Variants in SH3RF2 observed in about 807,000 individuals in gnomAD.
The protein encoded by SH3RF2 is E3 ubiquitin-protein ligase SH3RF2.
A neutral mutation model predicts 59.0 loss-of-function variants in SH3RF2; 43 were observed. The observed-to-expected ratio is 0.73, with a 90% CI of 0.57 to 0.94. The LOEUF (loss-of-function observed/expected upper bound fraction) is 0.94, where lower values mean the gene tolerates loss of function less well. Ranked by LOEUF, SH3RF2 falls within the 40% of genes least tolerant of loss-of-function variation. The pLI, the probability that SH3RF2 is intolerant of heterozygous loss-of-function variation, is 0.00. For missense variants in SH3RF2, 930 were observed against 940.1 expected (o/e 0.99, Z 0.14); for synonymous variants, 391 against 391.5 (o/e 1.00, Z 0.01).
chr5:145,997,179 T>C (rs773212997), intron 2 of SH3RF2: 2 of 746,952 alleles, frequency 2.7e-6, no homozygotes, highest in Non-Finnish European at 4.8e-6. Flanking sequence ...CCCCAGCATT[T>C]ACCATTGTCA....
At chr5:146,022,276 T>C (rs1761349704) in intron 5 of SH3RF2, among the ~76,000 whole-genome samples, 1 of 152,308 alleles carries the variant, frequency 6.6e-6, no homozygotes, top group Admixed American at 6.5e-5. Context: ...GGCATGATCT[T>C]GGCTCATTGC....
chr5:145,953,730 C>A (rs1479968812), intron 2 of SH3RF2, among the ~76,000 whole-genome samples: 2 of 152,122 alleles, frequency 1.3e-5, no homozygotes, highest in African/African-American at 4.8e-5. Context: ...TTCGAGTAGA[C>A]CCCAGTGTCT....
chr5:146,071,521 G>A (rs1050870679), intron 9 of SH3RF2, among the ~76,000 whole-genome samples: 1 of 152,172 alleles, frequency 6.6e-6, no homozygotes. Flanking sequence ...AGCGTAAGTT[G>A]TTTTTAGATG....
Position 145,937,858 on chromosome 5 carries a change from C to T in SH3RF2, c.-71C>T. On this transcript the variant is annotated 5_prime_UTR_variant, in exon 2 of 10. Coordinates refer to ENST00000359120, the MANE Select transcript of SH3RF2 (RefSeq NM_152550.4). Reference sequence around the variant, plus strand: ...TGACGTTCTCAAGAGACCAGCTCTGCCCCCGTGGCTCAACTGACCCTACCA... The same window carrying T: ...TGACGTTCTCAAGAGACCAGCTCTGTCCCCGTGGCTCAACTGACCCTACCA... 2.0e-6 allele frequency: 3 copies of T among 1,529,972 alleles called. No individual in the cohort carries two copies. The highest frequency in any genetic ancestry group is 1.4e-5 in the African/African-American group (1 of 72,584). 94.8% of individuals were successfully genotyped at this position (1,529,972 alleles called of 1,614,324 possible).
chr5:146,033,293 A>AGGGCAAG (rs1237401579), intron 5 of SH3RF2, among the ~76,000 whole-genome samples: 1 of 151,980 alleles, frequency 6.6e-6, no homozygotes, highest in Non-Finnish European at 1.5e-5. Flanking sequence ...ACACTCCTTA[A>AGGGCAAG]GGGCAAGGAG....
At chr5:146,057,330 T>A (rs1489915719) in intron 8 of SH3RF2, among the ~76,000 whole-genome samples, 2 of 152,044 alleles carry the variant, frequency 1.3e-5, no homozygotes, top group Admixed American at 1.3e-4. Context: ...CCTCCCTCCA[T>A]CACCTTCCTG....
In SH3RF2 at chr5:145,948,140, A is replaced by G. The variant is rs546473102; in HGVS notation, c.378+9834A>G. On this transcript the variant is annotated intron_variant, in intron 2 of 9. Coordinates refer to ENST00000359120, the MANE Select transcript of SH3RF2 (RefSeq NM_152550.4). ...CCTACAGAATCTCATTTAACTCTAC[A>G]TACAACCCACTGAGAATGGTGCTAC... is the stretch of plus-strand genomic sequence containing the variant. Among the ~76,000 whole-genome samples, 19 of 152,326 alleles carry G rather than the reference A, an allele frequency of 1.2e-4. No individual in the cohort carries two copies. The South Asian group carries it at 3.9e-3, about 32-fold the overall frequency.
chr5:145,995,598 A>G (rs1001145677), intron 2 of SH3RF2, among the ~76,000 whole-genome samples: 3 of 152,134 alleles, frequency 2.0e-5, no homozygotes, highest in Admixed American at 6.5e-5. Context: ...AACTTCATTC[A>G]TTTTCTAACT....
chr5:146,004,329 G>A (rs902297966), intron 4 of SH3RF2, among the ~76,000 whole-genome samples, 176 bp downstream of exon 4: 3 of 152,208 alleles, frequency 2.0e-5, no homozygotes, highest in Non-Finnish European at 4.4e-5. Flanking sequence ...CTGGGGAAAT[G>A]AGCCTTTTCT....
chr5:145,962,888 C>CTTT lies in SH3RF2; in HGVS notation c.378+24606_378+24608dup, dbSNP rs1168517787. On this transcript the variant is annotated intron_variant, in intron 2 of 9. Transcript: ENST00000359120. ...TAAGGGCAATCACTGTATTATTCCA[C>CTTT]TTTTTTTTTTTTTTTTTTTTTTTTT... 5.9e-3 allele frequency among the ~76,000 whole-genome samples: 613 copies of CTTT among 104,546 alleles called. 84 individuals carry two copies. The highest frequency in any genetic ancestry group is 0.026 in the African/African-American group (567 of 21,824). The allele number at this position is 104,546 out of a possible 152,430, so 68.6% of individuals were successfully genotyped here.
chr5:146,055,812 C>A (rs1000204431), intron 7 of SH3RF2, 169 bp from the exon 8 acceptor site: 9 of 738,748 alleles, frequency 1.2e-5, no homozygotes, highest in East Asian at 2.6e-5. Context: ...GTGGGGCCAA[C>A]TTTAGTTAAG....
intron 2 of SH3RF2, among the ~76,000 whole-genome samples, chr5:145,996,636 A>T (rs1173647148): frequency 6.6e-6 from 1 of 152,208 alleles, no homozygotes; most frequent in Non-Finnish European, 1.5e-5. Flanking sequence ...AGATTAAGTA[A>T]CTTAGCCATG....
At chr5:146,073,929 C>T (rs934810789) in intron 9 of SH3RF2, among the ~76,000 whole-genome samples, 4 of 151,842 alleles carry the variant, frequency 2.6e-5, no homozygotes, top group Non-Finnish European at 5.9e-5. Context: ...AGTTGAGACC[C>T]GAAGACTAAG....
chr5:145,966,337 G>C (rs1156532513), intron 2 of SH3RF2, among the ~76,000 whole-genome samples: 1 of 152,288 alleles, frequency 6.6e-6, no homozygotes, highest in South Asian at 2.1e-4. Flanking sequence ...AGATTCTGGA[G>C]ACTCAATTTC....
intron 8 of SH3RF2, among the ~76,000 whole-genome samples, chr5:146,056,824 C>T (rs1301382772): frequency 6.6e-6 from 1 of 152,200 alleles, no homozygotes; most frequent in Non-Finnish European, 1.5e-5. Flanking sequence ...TAACCATACT[C>T]ACTGCATTGT....
chr5:145,981,099 T>C (rs1042368229), intron 2 of SH3RF2, among the ~76,000 whole-genome samples: 4 of 152,172 alleles, frequency 2.6e-5, no homozygotes, highest in African/African-American at 9.7e-5. Flanking sequence ...ATTTTTTTTC[T>C]TTTTTCTTTT....
chr5:146,040,101 A>C (rs1762071529), intron 5 of SH3RF2, among the ~76,000 whole-genome samples: 1 of 152,252 alleles, frequency 6.6e-6, no homozygotes, highest in Non-Finnish European at 1.5e-5. Context: ...GATTAACACA[A>C]ACTTCAGCAT....
chr5:146,060,574 A>C (rs1234709372), intron 9 of SH3RF2, among the ~76,000 whole-genome samples: 3 of 152,230 alleles, frequency 2.0e-5, no homozygotes, highest in Non-Finnish European at 2.9e-5. Flanking sequence ...ACTTTGGTCA[A>C]AATACTTCAC....
chr5:145,975,748 CAG>C (rs549451861), intron 2 of SH3RF2, among the ~76,000 whole-genome samples: 152 of 152,352 alleles, frequency 1.0e-3, no homozygotes, highest in African/African-American at 3.4e-3. Context: ...CCAAAGGAAA[CAG>C]AAGATGTTGA....
Sources: allele counts gnomAD v4.1 joint callset (sites outside exome capture counted in the v4.1 genomes callset), GRCh38; gene constraint gnomAD v4.1.1; transcripts MANE v1.5; gene names NCBI Gene and HGNC (gene_info 2026-07-23, HGNC 2026-07-21).